NEB: variants seen among roughly 807,000 people sequenced by gnomAD.
NEB encodes nemaline myopathy type 2.
In NEB, 512 loss-of-function variants were observed where a neutral mutation model predicts 952.2. The observed-to-expected ratio is 0.54, with a 90% CI of 0.50 to 0.58. The LOEUF is 0.58. Ranked by LOEUF, NEB falls within the 20% of genes least tolerant of loss-of-function variation. The pLI is 0.00. For missense variants in NEB, 8,428 were observed against 9,231.1 expected, an observed-to-expected ratio of 0.91 and a Z score of 3.56; for synonymous variants, 2,900 against 3,149.8, an observed-to-expected ratio of 0.92 and a Z score of 2.66.
chr2:151,659,884 G>T (rs1235079837), intron 46 of NEB, among the ~76,000 whole-genome samples: 1 of 152,074 alleles, frequency 6.6e-6, no homozygotes, highest in Non-Finnish European at 1.5e-5. Context: ...ATTTCATTAG[G>T]AGGTATAATC....
intron 38 of NEB, 57 bp from the exon 39 acceptor site, chr2:151,669,188 T>C (rs552207300): frequency 8.2e-7 from 1 of 1,222,242 alleles, no homozygotes; most frequent in Admixed American, 2.0e-5. Flanking sequence ...ATAAATTTCA[T>C]CAAGCAGAGA....
intron 153 of NEB, among the ~76,000 whole-genome samples, chr2:151,522,591 C>T (rs986014363): frequency 6.6e-6 from 1 of 151,464 alleles, no homozygotes; most frequent in Non-Finnish European, 1.5e-5. Context: ...TATCCTTCAA[C>T]AAATTTCCAC....
chr2:151,724,812 T>C (rs555168193), intron 7 of NEB, 45 bp downstream of exon 7: 1 of 1,507,072 alleles, frequency 6.6e-7, no homozygotes, highest in Non-Finnish European at 9.2e-7. Flanking sequence ...GCAGAGGTGA[T>C]GCACATGCTA....
At chr2:151,655,576 T>C (rs2099079227) in intron 50 of NEB, among the ~76,000 whole-genome samples, 1 of 152,078 alleles carries the variant, frequency 6.6e-6, no homozygotes, top group Non-Finnish European at 1.5e-5. Context: ...TTTTCTACAA[T>C]GGACTGAAAG....
intron 153 of NEB, among the ~76,000 whole-genome samples, chr2:151,520,140 C>T (rs2080944682): frequency 1.3e-5 from 2 of 151,374 alleles, no homozygotes; most frequent in Admixed American, 1.3e-4. Context: ...GCAAAACCAA[C>T]AGCAATTTAA....
At chr2:151,525,421 C>T (rs1002294492) in intron 150 of NEB, 148 bp from the exon 151 acceptor site, 2 of 633,076 alleles carry the variant, frequency 3.2e-6, no homozygotes, top group Non-Finnish European at 5.5e-6. Context: ...TCTAGTTCTT[C>T]TCTGTCATTT....
Position 151,620,343 on chromosome 2 carries a change from G to GTATATA in NEB, c.10560+575_10560+576insTATATA, listed in dbSNP as rs1331796136. Among the ~76,000 whole-genome samples the GTATATA allele has an allele frequency of 2.5e-3, 120 of 48,828 alleles. 1 individual carries two copies. Among genetic ancestry groups the GTATATA allele is most frequent in the East Asian group, 7.6e-3 (11 of 1,442 alleles). 32.0% of individuals were successfully genotyped at this position (48,828 alleles called of 152,430 possible). On this transcript the variant is annotated intron_variant, in intron 72 of 181. Coordinates refer to ENST00000397345, the MANE Select transcript of NEB (RefSeq NM_001164508.2). Reference sequence around the variant, plus strand: ...AATTTTATTATATATATATGTATGTGTGTGTATATATATATATATATATAT... The same window carrying GTATATA: ...AATTTTATTATATATATATGTATGTGTATATATGTGTATATATATATATATATATAT...
Position 151,633,913 on chromosome 2 carries a change from C to T in NEB, c.9155G>A (p.Arg3052Gln), listed in dbSNP as rs201176993. ...CKQLGHHIGA[R>Q]NIEDDPKMMW... Reference sequence around the variant, plus strand: ...CATCTTGGGGTCATCTTCAATGTTCCGGGCTCCAATATGGTGGCCAAGTTG... The same window carrying T: ...CATCTTGGGGTCATCTTCAATGTTCTGGGCTCCAATATGGTGGCCAAGTTG... Residue 3052 changes from arginine to glutamine, a missense_variant, in exon 65 of 182, where the codon CGG (arginine) becomes CAG (glutamine). Arg to Gln is a conservative substitution (Grantham distance 43, BLOSUM62 1). Transcript: ENST00000397345. 4.2e-4 allele frequency: 671 copies of T among 1,613,942 alleles called. 4 individuals are homozygous for T. The African/African-American group carries it at 7.7e-3, about 19-fold the overall frequency.
At chr2:151,502,656 A>C (rs2065625073) in intron 167 of NEB, 137 bp downstream of exon 167, 1 of 641,390 alleles carries the variant, frequency 1.6e-6, no homozygotes, top group Non-Finnish European at 2.7e-6. Flanking sequence ...ATACTAAATT[A>C]GATTTGGGTT....
At chr2:151,497,890 C>G in intron 170 of NEB, 172 bp from the exon 171 acceptor site, 1 of 1,487,982 alleles carries the variant, frequency 6.7e-7, no homozygotes, top group South Asian at 1.4e-5. Context: ...AATCTGCACC[C>G]TCTAGAGAAG....
intron 13 of NEB, among the ~76,000 whole-genome samples, chr2:151,702,035 G>T (rs2099673998): frequency 6.7e-6 from 1 of 149,306 alleles, no homozygotes; most frequent in Admixed American, 6.7e-5. Context: ...ACACTGCTTT[G>T]AATGCGTCCC....
chr2:151,609,819 A>G lies in NEB; in HGVS notation c.12320T>C (p.Leu4107Pro). 1 of 1,584,226 alleles carries G rather than the reference A, an allele frequency of 6.3e-7. No homozygotes were observed. The highest frequency in any genetic ancestry group is 8.6e-7 in the Non-Finnish European group (1 of 1,165,018). Residue 4107 changes from leucine to proline, a missense_variant, in exon 81 of 182, where the codon CTG becomes CCG. Leu to Pro is a moderately conservative substitution (Grantham distance 98, BLOSUM62 -3). This residue lies in a region of NEB where 337 missense variants were observed against 297.5 expected (regional missense o/e 1.13). Transcript: ENST00000397345. ...DIIQAKKAYD[L>P]QSDSVYKADL... ...ATTCATGTTACGTACATCACTCTGC[A>G]GGTCATAGGCCTTTTTTGCTTGGAT...
chr2:151,688,218 T>C (rs995788652), intron 25 of NEB, 74 bp downstream of exon 25: 1 of 1,244,670 alleles, frequency 8.0e-7, no homozygotes, highest in East Asian at 2.4e-5. Flanking sequence ...ATTCCTTGTC[T>C]TGTCTTTTAA....
At position 151,532,542 on chromosome 2, in the gene NEB, T is replaced by C. The variant is rs180855842; in HGVS notation, c.21418-646A>G. 3.9e-4 allele frequency among the ~76,000 whole-genome samples: 59 copies of C among 152,264 alleles called. 1 individual carries two copies. Among genetic ancestry groups the C allele is most frequent in the African/African-American group, 1.4e-3 (57 of 41,552 alleles). On this transcript the variant is annotated intron_variant, in intron 143 of 181. Transcript: ENST00000397345. ...CAGAAGCTGTTTTAAGCAGGACAGATACAGAGAGCACCATAAAATTTCATG... is the reference window on the plus strand; with the variant it reads ...CAGAAGCTGTTTTAAGCAGGACAGACACAGAGAGCACCATAAAATTTCATG...
At chr2:151,548,460 G>A (rs749008823) in intron 130 of NEB, 45 bp from the exon 131 acceptor site, 4 of 1,254,342 alleles carry the variant, frequency 3.2e-6, no homozygotes. Context: ...GGTAAACAAG[G>A]ACCAACATTA....
At chr2:151,520,347 G>T (rs951705961) in intron 153 of NEB, among the ~76,000 whole-genome samples, 2 of 152,246 alleles carry the variant, frequency 1.3e-5, no homozygotes, top group South Asian at 2.1e-4. Context: ...CTTCAAGTGT[G>T]ATTTCAGACT....
In NEB at chr2:151,527,346, A is replaced by G. The variant is rs2086872300; in HGVS notation, c.21840+135T>C. 8 of 780,220 alleles carry G rather than the reference A, an allele frequency of 1.0e-5. No homozygotes were observed. The East Asian group carries it at 2.2e-4, about 21-fold the overall frequency. 48.3% of individuals were successfully genotyped at this position (780,220 alleles called of 1,614,324 possible). On this transcript the variant is annotated intron_variant, in intron 147 of 181. Coordinates refer to ENST00000397345, the MANE Select transcript of NEB (RefSeq NM_001164508.2). ...TCTGAGCTCGCCTATCGCTCCCCCA[A>G]CCATCCTCCTCTCCTTCTCGGATCT...
In NEB at chr2:151,627,165, C is replaced by T. The variant is rs2098541623; in HGVS notation, c.10184G>A (p.Gly3395Asp). 2 of 1,613,926 alleles carry T rather than the reference C, an allele frequency of 1.2e-6. No individual in the cohort carries two copies. The highest frequency in any genetic ancestry group is 2.7e-5 in the African/African-American group (2 of 75,034). The change falls in exon 70 of 182, where the codon GGC becomes GAC. Residue 3395 changes from glycine to aspartate, a missense_variant. Gly to Asp is a moderately conservative substitution (Grantham distance 94, BLOSUM62 -1). Coordinates refer to ENST00000397345, the MANE Select transcript of NEB (RefSeq NM_001164508.2). ...KSDLQWLRGIGWVPIGSMDVV... is the reference protein window; with the variant it reads ...KSDLQWLRGIDWVPIGSMDVV... ...ATCCATAGACCCAATGGGGACCCAGCCAATGCCTCTCAGCCACTGGAGATC... is the reference window on the plus strand; with the variant it reads ...ATCCATAGACCCAATGGGGACCCAGTCAATGCCTCTCAGCCACTGGAGATC...
At chr2:151,569,958 C>T (rs1430814718) in intron 109 of NEB, 123 bp downstream of exon 109, 1 of 994,320 alleles carries the variant, frequency 1.0e-6, no homozygotes, top group African/African-American at 1.6e-5. Context: ...TAAGGTCTCA[C>T]TAATATTAAA....
Sources: allele counts gnomAD v4.1 joint callset (sites outside exome capture counted in the v4.1 genomes callset), GRCh38; gene constraint gnomAD v4.1.1; regional missense constraint gnomAD v4.1.1; transcripts MANE v1.5; gene names NCBI Gene and HGNC (gene_info 2026-07-23, HGNC 2026-07-21).